The following CFAP54 variants were observed in gnomAD, a reference collection of about 807,000 sequenced individuals.
CFAP54 encodes cilia and flagella associated protein 54, also known as cilia- and flagella-associated protein 54.
Under a neutral mutation model 370.4 loss-of-function variants are expected in CFAP54, and 290 were observed. The observed-to-expected ratio is 0.78, with a 90% CI of 0.71 to 0.86. The LOEUF (loss-of-function observed/expected upper bound fraction) is 0.86. CFAP54 is among the 40% of genes least tolerant of loss of function. The pLI, the probability that CFAP54 is intolerant of heterozygous loss-of-function variation, is 0.00. For missense variants in CFAP54, 3,399 were observed against 3,528.7 expected, an observed-to-expected ratio of 0.96 and a Z score of 0.93; for synonymous variants, 1,206 against 1,236.5, an observed-to-expected ratio of 0.98 and a Z score of 0.52.
intron 52 of CFAP54, 78 bp from the exon 53 acceptor site, chr12:96,743,324 T>C: frequency 7.1e-7 from 1 of 1,408,726 alleles, no homozygotes; most frequent in Non-Finnish European, 9.8e-7. Context: ...ATTTCTGTGA[T>C]GAAAATTGGG....
intron 39 of CFAP54, among the ~76,000 whole-genome samples, chr12:96,672,047 C>A (rs547472340): frequency 6.6e-6 from 1 of 151,824 alleles, no homozygotes; most frequent in Non-Finnish European, 1.5e-5. Context: ...AACTTAGCAC[C>A]GTCAGGAACT....
intron 66 of CFAP54, among the ~76,000 whole-genome samples, chr12:96,848,853 T>A (rs1160118550): frequency 6.6e-6 from 1 of 152,258 alleles, no homozygotes; most frequent in Admixed American, 6.5e-5. Context: ...GTGTGAAATT[T>A]CTATGGTTTG....
intron 66 of CFAP54, among the ~76,000 whole-genome samples, chr12:96,853,372 G>A (rs1373668094): frequency 2.0e-5 from 3 of 151,958 alleles, no homozygotes; most frequent in African/African-American, 7.3e-5. Context: ...TACACACCTG[G>A]TCAGTGACTA....
intron 17 of CFAP54, among the ~76,000 whole-genome samples, chr12:96,559,969 T>C (rs1413378372): frequency 2.0e-5 from 3 of 152,192 alleles, no homozygotes; most frequent in African/African-American, 7.2e-5. Flanking sequence ...TGTTTTCTTC[T>C]AAATGTTTTA....
chr12:96,671,178 G>A (rs1309341615), intron 39 of CFAP54, among the ~76,000 whole-genome samples: 1 of 151,960 alleles, frequency 6.6e-6, no homozygotes, highest in Non-Finnish European at 1.5e-5. Context: ...CACCATGTTG[G>A]CCAGGCTGGT....
intron 1 of CFAP54, among the ~76,000 whole-genome samples, chr12:96,495,686 T>A (rs899809178): frequency 1.3e-5 from 2 of 152,082 alleles, no homozygotes; most frequent in Non-Finnish European, 2.9e-5. Context: ...CATTAACATT[T>A]TCTTCTCAAA....
intron 9 of CFAP54, among the ~76,000 whole-genome samples, chr12:96,532,226 T>C (rs998367950): frequency 1.3e-5 from 2 of 152,242 alleles, no homozygotes; most frequent in African/African-American, 2.4e-5. Flanking sequence ...ATGTTTTTGC[T>C]TTTAATTTTC....
intron 61 of CFAP54, among the ~76,000 whole-genome samples, chr12:96,785,395 T>C (rs1031113150): frequency 6.6e-6 from 1 of 152,138 alleles, no homozygotes; most frequent in African/African-American, 2.4e-5. Context: ...CTCTTGTGAT[T>C]GTGTGACATT....
intron 14 of CFAP54, 45 bp from the exon 15 acceptor site, chr12:96,547,856 CT>C: frequency 1.0e-6 from 1 of 992,306 alleles, no homozygotes; most frequent in Non-Finnish European, 1.5e-6. Flanking sequence ...CCTCTTCTCC[CT>C]TCCCCTCCAT....
At chr12:96,830,705 A>G (rs1959167992) in intron 66 of CFAP54, among the ~76,000 whole-genome samples, 1 of 152,028 alleles carries the variant, frequency 6.6e-6, no homozygotes, top group Non-Finnish European at 1.5e-5. Flanking sequence ...TTGAGATGGA[A>G]TCTTGCTCTG....
rs529124431 is a variant in CFAP54, at chr12:96,753,936, A to G, written c.7840+38A>G. ...TGGGGTCAGAACTATGATAAAATTT[A>G]TGGAATTCTTTTTTCTGTCAACAAC... On this transcript the variant is annotated intron_variant, in intron 56 of 67. Coordinates refer to ENST00000524981, the MANE Select transcript of CFAP54 (RefSeq NM_001306084.2). The G allele has an allele frequency of 2.5e-6, 4 of 1,585,968 alleles. No homozygotes were observed. The South Asian group carries it at 3.5e-5, about 14-fold the overall frequency.
intron 19 of CFAP54, among the ~76,000 whole-genome samples, chr12:96,571,358 A>G (rs1362126426): frequency 2.0e-5 from 3 of 152,218 alleles, no homozygotes; most frequent in African/African-American, 7.2e-5. Context: ...CACCATTGAA[A>G]GAACACCTTA....
At chr12:96,687,829 G>A (rs898136279) in intron 42 of CFAP54, among the ~76,000 whole-genome samples, 1 of 152,202 alleles carries the variant, frequency 6.6e-6, no homozygotes, top group African/African-American at 2.4e-5. Context: ...GAAAGGAACA[G>A]CTTGGAAAGG....
chr12:96,505,722 C>T (rs370679204), intron 3 of CFAP54, among the ~76,000 whole-genome samples: 2 of 152,166 alleles, frequency 1.3e-5, no homozygotes, highest in African/African-American at 4.8e-5. Context: ...AGGCTGGTCT[C>T]GAACTCCTGA....
At chr12:96,548,104 A>C (rs896154121) in intron 15 of CFAP54, 126 bp downstream of exon 15, 6 of 471,160 alleles carry the variant, frequency 1.3e-5, no homozygotes, top group African/African-American at 8.1e-5. Context: ...TGAGGATTAT[A>C]TGGCTTTATA....
At chr12:96,758,829 G>A (rs901031451) in intron 58 of CFAP54, among the ~76,000 whole-genome samples, 1 of 152,096 alleles carries the variant, frequency 6.6e-6, no homozygotes, top group African/African-American at 2.4e-5. Context: ...AATCAGGGAT[G>A]GGCTCTGAGA....
chr12:96,825,763 TG>T (rs1959092255), intron 65 of CFAP54, among the ~76,000 whole-genome samples: 1 of 127,696 alleles, frequency 7.8e-6, no homozygotes, highest in Non-Finnish European at 1.5e-5. Flanking sequence ...ATATGTATCA[TG>T]ATATATATTA....
chr12:96,811,550 C>G (rs1442121150), intron 63 of CFAP54, among the ~76,000 whole-genome samples, 186 bp from the exon 64 acceptor site: 2 of 152,102 alleles, frequency 1.3e-5, no homozygotes, highest in African/African-American at 2.4e-5. Flanking sequence ...TATTTTCATC[C>G]TACAACCTTT....
chr12:96,706,716 T>C (rs1440174081), intron 47 of CFAP54, among the ~76,000 whole-genome samples: 1 of 152,174 alleles, frequency 6.6e-6, no homozygotes, highest in Non-Finnish European at 1.5e-5. Context: ...ACTGTTCTGA[T>C]GCTGTCAATC....
Sources: allele counts gnomAD v4.1 joint callset (sites outside exome capture counted in the v4.1 genomes callset), GRCh38; gene constraint gnomAD v4.1.1; transcripts MANE v1.5; gene names NCBI Gene and HGNC (gene_info 2026-07-23, HGNC 2026-07-21).